The following SLTM variants were observed in gnomAD, a reference collection of about 807,000 sequenced individuals.
SLTM encodes the protein SAFB-like transcription modulator.
SLTM carries 43 observed loss-of-function variants against 134.6 expected under a neutral mutation model. That is an observed-to-expected ratio of 0.32 (90% CI 0.25 to 0.41). The LOEUF (loss-of-function observed/expected upper bound fraction) is 0.41. Ranked by LOEUF, SLTM falls within the 10% of genes least tolerant of loss-of-function variation. The probability of loss-of-function intolerance (pLI) is 1.00; values close to 1 mark genes in which losing one functional copy is unlikely to be tolerated. For synonymous variants in SLTM, 424 were observed against 432.3 expected, an observed-to-expected ratio of 0.98 and a Z score of 0.24; for missense variants, 1,055 against 1,288.8, an observed-to-expected ratio of 0.82 and a Z score of 2.78.
chr15:58,910,740 AT>A (rs1382407833), intron 5 of SLTM, among the ~76,000 whole-genome samples: 2 of 134,762 alleles, frequency 1.5e-5, no homozygotes, highest in Non-Finnish European at 3.2e-5. Flanking sequence ...TTTCTCATAG[AT>A]TCTTTTTTTT....
At chr15:58,886,845 T>G (rs755727818) in intron 19 of SLTM, 130 bp downstream of exon 19, 205 of 1,091,876 alleles carry the variant, frequency 1.9e-4, no homozygotes, top group Non-Finnish European at 2.5e-4. Context: ...AAATAAAAAA[T>G]TAATGCCTCT....
At chr15:58,930,713 AT>A (rs34243668) in intron 2 of SLTM, among the ~76,000 whole-genome samples, 3 of 96,096 alleles carry the variant, frequency 3.1e-5, no homozygotes, top group East Asian at 5.6e-4. Context: ...CTATTAAAAA[AT>A]ATATATATAT....
chr15:58,886,938 G>C (rs1040371191), intron 19 of SLTM, 37 bp downstream of exon 19: 3 of 1,610,788 alleles, frequency 1.9e-6, no homozygotes, highest in Non-Finnish European at 2.5e-6. Flanking sequence ...CTAAATGTAT[G>C]TGTGCAGGCT....
chr15:58,888,533 C>T lies in SLTM; in HGVS notation c.2227G>A (p.Glu743Lys), dbSNP rs754991134. ...GTATCTAGAGACAACTTTTTATTCT[C>T]GCTCCAGTAAGGATCATCTCGCCTT... ...DHRRDDPYWSENKKLSLDTDA... is the reference protein window; with the variant it reads ...DHRRDDPYWSKNKKLSLDTDA... The change falls in exon 17 of 21, where the codon GAG becomes AAG. Residue 743 changes from glutamate (E) to lysine (K), a missense_variant. This residue lies in a region of SLTM where 776 missense variants were observed against 962.2 expected (regional missense o/e 0.81). Coordinates refer to ENST00000380516, the MANE Select transcript of SLTM (RefSeq NM_024755.4). 3 of 1,613,760 alleles carry T rather than the reference C, an allele frequency of 1.9e-6. No individual in the cohort carries two copies. Among genetic ancestry groups the T allele is most frequent in the South Asian group, 1.1e-5 (1 of 91,018 alleles).
intron 2 of SLTM, among the ~76,000 whole-genome samples, chr15:58,921,069 T>C (rs2037009760): frequency 6.6e-6 from 1 of 152,232 alleles, no homozygotes. Flanking sequence ...TTCTCTTCTT[T>C]TAGTGAAAAA....
intron 2 of SLTM, among the ~76,000 whole-genome samples, chr15:58,923,447 G>A (rs1472936426): frequency 3.3e-5 from 5 of 152,174 alleles, no homozygotes; most frequent in African/African-American, 1.2e-4. Flanking sequence ...AGAAAGGGGT[G>A]ACATGGCAGT....
In SLTM at chr15:58,932,409, ATAT is replaced by A; in HGVS notation, c.194_196del (p.Asn65del). On this transcript the variant is annotated inframe_deletion, in exon 2 of 21. Transcript: ENST00000380516. ...AGTATCAGTTGAAACAGTTAATTCA[ATAT>A]TATCTGGATCGCCTCCTTCCTCTTC... 1 of 1,613,470 alleles carries A rather than the reference ATAT, an allele frequency of 6.2e-7. No individual in the cohort carries two copies. The highest frequency in any genetic ancestry group is 8.5e-7 in the Non-Finnish European group (1 of 1,179,416).
intron 2 of SLTM, among the ~76,000 whole-genome samples, chr15:58,922,272 G>A (rs1323726036): frequency 6.7e-6 from 1 of 149,532 alleles, no homozygotes; most frequent in Non-Finnish European, 1.5e-5. Flanking sequence ...AGCTATTTGG[G>A]AGGCTGAGGC....
intron 2 of SLTM, among the ~76,000 whole-genome samples, chr15:58,924,717 G>C (rs1008249053): frequency 6.6e-6 from 1 of 152,172 alleles, no homozygotes; most frequent in African/African-American, 2.4e-5. Flanking sequence ...ATAAGGGTTT[G>C]CAATTTTCCT....
Sources: allele counts gnomAD v4.1 joint callset (sites outside exome capture counted in the v4.1 genomes callset), GRCh38; gene constraint gnomAD v4.1.1; regional missense constraint gnomAD v4.1.1; transcripts MANE v1.5; gene names NCBI Gene and HGNC (gene_info 2026-07-23, HGNC 2026-07-21).